Variants in LIPC observed in about 807,000 individuals in gnomAD.
LIPC encodes the protein lipase C, hepatic type.
In LIPC, 44 loss-of-function variants were observed where a neutral mutation model predicts 50.7. The ratio of observed to expected loss-of-function variants is 0.87; its 90% CI spans 0.68 to 1.11. The LOEUF is 1.11. Ranked by LOEUF, LIPC falls within the 50% of genes most tolerant of loss-of-function variation. The probability of loss-of-function intolerance (pLI) is 0.00; values close to 1 mark genes in which losing one functional copy is unlikely to be tolerated. For synonymous variants in LIPC, 271 were observed against 256.4 expected (o/e 1.06, Z -0.54); for missense variants, 697 against 648.2 (o/e 1.08, Z -0.82).
chr15:58,499,379 GTC>G (rs1338696983), intron 1 of LIPC, among the ~76,000 whole-genome samples: 1 of 152,158 alleles, frequency 6.6e-6, no homozygotes. Context: ...CAAGTCTTGT[GTC>G]TCTGTTAACT....
intron 5 of LIPC, 41 bp from the exon 6 acceptor site, chr15:58,548,289 G>T: frequency 1.2e-6 from 2 of 1,613,484 alleles, no homozygotes; most frequent in Non-Finnish European, 1.7e-6. Context: ...AGGCTGCTTT[G>T]GGTTAAGGGG....
chr15:58,461,658 T>C (rs1430598326), intron 1 of LIPC, among the ~76,000 whole-genome samples: 1 of 151,918 alleles, frequency 6.6e-6, no homozygotes, highest in South Asian at 2.1e-4. Flanking sequence ...CCTCAAGTGA[T>C]CTGCCTGCCT....
Position 58,434,225 on chromosome 15 carries a change from G to A in LIPC, c.88+2105G>A, listed in dbSNP as rs574218957. Among the ~76,000 whole-genome samples the A allele has an allele frequency of 5.3e-5, 8 of 152,114 alleles. No individual in the cohort carries two copies. The South Asian group carries it at 1.7e-3, about 32-fold the overall frequency. On this transcript the variant is annotated intron_variant, in intron 1 of 8. Transcript: ENST00000299022. ...AAAACATTATTAGTGCAGAGGCTGA[G>A]AAACCATGATCTATGCCAAGCTTCA...
chr15:58,478,742 C>A (rs1217742670), intron 1 of LIPC, among the ~76,000 whole-genome samples: 5 of 152,196 alleles, frequency 3.3e-5, no homozygotes, highest in African/African-American at 1.2e-4. Flanking sequence ...CTACTGCACG[C>A]TTGTTTTGTA....
chr15:58,483,380 G>A (rs552369344), intron 1 of LIPC, among the ~76,000 whole-genome samples: 2 of 152,248 alleles, frequency 1.3e-5, no homozygotes, highest in East Asian at 1.9e-4. Context: ...GGCTCAGATC[G>A]GATATTTGGC....
intron 8 of LIPC, chr15:58,566,312 T>A: frequency 1.0e-6 from 1 of 985,464 alleles, no homozygotes; most frequent in Non-Finnish European, 1.2e-6. Flanking sequence ...CAAAGCAATA[T>A]GGCTGGCAGG....
chr15:58,565,200 G>C, intron 8 of LIPC: 1 of 1,535,620 alleles, frequency 6.5e-7, no homozygotes, highest in Non-Finnish European at 8.7e-7. Flanking sequence ...GGATCAATCT[G>C]GGAAGATTAA....
At chr15:58,557,699 T>C (rs1245962642) in intron 6 of LIPC, among the ~76,000 whole-genome samples, 1 of 152,178 alleles carries the variant, frequency 6.6e-6, no homozygotes, top group Non-Finnish European at 1.5e-5. Flanking sequence ...TATATGCTTT[T>C]AATTGCATTT....
intron 1 of LIPC, among the ~76,000 whole-genome samples, chr15:58,469,056 A>G (rs946433821): frequency 1.3e-5 from 2 of 151,818 alleles, no homozygotes; most frequent in South Asian, 2.1e-4. Flanking sequence ...TTAGTTCACC[A>G]TAGTTCTATT....
chr15:58,564,780 T>G (rs1894300031), intron 8 of LIPC, among the ~76,000 whole-genome samples: 2 of 152,036 alleles, frequency 1.3e-5, no homozygotes, highest in Non-Finnish European at 2.9e-5. Context: ...CCAGCGCTCC[T>G]GAAGTCCTCC....
Position 58,489,613 on chromosome 15 carries a change from A to AAG in LIPC, c.89-48718_89-48717dup, listed in dbSNP as rs570684786. ...GTAGTCAGTCTAAAAAACAACTCAA[A>AAG]AGATCCATCTTAGGCTCTACAATAG... On this transcript the variant is annotated intron_variant, in intron 1 of 8. Transcript: ENST00000299022. Among the ~76,000 whole-genome samples, 18 of 152,270 alleles carry AAG rather than the reference A, an allele frequency of 1.2e-4. No individual in the cohort carries two copies. The South Asian group carries it at 3.3e-3, about 28-fold the overall frequency.
Position 58,538,320 on chromosome 15 carries a change from T to C in LIPC, c.89-13T>C, listed in dbSNP as rs1212286976. The C allele has an allele frequency of 6.2e-7, 1 of 1,613,966 alleles. No individual in the cohort carries two copies. The highest frequency in any genetic ancestry group is 1.7e-5 in the Admixed American group (1 of 60,024). On this transcript the variant is annotated splice_polypyrimidine_tract_variant and intron_variant, in intron 1 of 8. Transcript: ENST00000299022. ...ATGCCAGGCTAAGCACCGTCCCCAA[T>C]CTTATATTGCAGAGCCATTTGGAAG...
chr15:58,524,585 T>C (rs916880956), intron 1 of LIPC, among the ~76,000 whole-genome samples: 16 of 152,382 alleles, frequency 1.0e-4, no homozygotes, highest in Non-Finnish European at 2.1e-4. Flanking sequence ...GGTCACACTT[T>C]TTAATGTTTA....
intron 1 of LIPC, chr15:58,521,578 G>T (rs1257897876): frequency 6.6e-6 from 1 of 152,288 alleles, no homozygotes; most frequent in Non-Finnish European, 1.5e-5. Flanking sequence ...TCGCAGGATG[G>T]AGAGCGTGTG....
chr15:58,568,606 A>G (rs1332012173), intron 8 of LIPC, 110 bp from the exon 9 acceptor site: 2 of 707,082 alleles, frequency 2.8e-6, no homozygotes, highest in Non-Finnish European at 5.0e-6. Context: ...AACTTAAAAA[A>G]AGACATCACA....
At chr15:58,504,913 A>C (rs138915094) in intron 1 of LIPC, among the ~76,000 whole-genome samples, 4 of 152,328 alleles carry the variant, frequency 2.6e-5, no homozygotes, top group Non-Finnish European at 5.9e-5. Context: ...GCAAAGCAGT[A>C]ATCTCCTGGT....
intron 1 of LIPC, chr15:58,454,883 A>C (rs1366888814): frequency 6.6e-6 from 1 of 152,258 alleles, no homozygotes; most frequent in East Asian, 1.9e-4. Context: ...CTGATTTTTA[A>C]ACATAGCCAT....
chr15:58,560,334 G>A (rs1894116346), intron 6 of LIPC, among the ~76,000 whole-genome samples: 2 of 152,168 alleles, frequency 1.3e-5, no homozygotes, highest in Non-Finnish European at 2.9e-5. Flanking sequence ...GAAACTCACA[G>A]AGCTTGTTTC....
chr15:58,542,972 C>T (rs1893388489), intron 4 of LIPC, among the ~76,000 whole-genome samples: 1 of 152,162 alleles, frequency 6.6e-6, no homozygotes, highest in Non-Finnish European at 1.5e-5. Flanking sequence ...TTTACAAAGT[C>T]CAATTTGGGC....
Sources: gnomAD v4.1 joint callset for allele counts (sites outside exome capture counted in the v4.1 genomes callset) on GRCh38, gnomAD v4.1.1 for gene constraint, MANE v1.5 for transcripts, NCBI Gene and HGNC (gene_info 2026-07-23, HGNC 2026-07-21) for gene names.